SH3RF2: variants seen among roughly 807,000 people sequenced by gnomAD.
SH3RF2 encodes the protein SH3 domain containing ring finger 2.
Under a neutral mutation model 59.0 loss-of-function variants are expected in SH3RF2, and 43 were observed. The observed-to-expected ratio is 0.73, with a 90% CI of 0.57 to 0.94. The LOEUF (loss-of-function observed/expected upper bound fraction) is 0.94, where lower values mean the gene tolerates loss of function less well. SH3RF2 is among the 40% of genes least tolerant of loss of function. The probability of loss-of-function intolerance (pLI) is 0.00; values close to 1 mark genes in which losing one functional copy is unlikely to be tolerated. For synonymous variants in SH3RF2, 391 were observed against 391.5 expected (o/e 1.00, Z 0.01); for missense variants, 930 against 940.1 (o/e 0.99, Z 0.14).
Position 146,013,916 on chromosome 5 carries a change from T to C in SH3RF2, c.914T>C (p.Leu305Ser), listed in dbSNP as rs764924039. ...VPGQFSITTA[L>S]NTLNRMVHSP... ...GGGCAGTTTTCCATCACAACAGCCT[T>C]GAACACTCTCAACCGGATGGTCCAT... Residue 305 changes from leucine (L) to serine (S), a missense_variant, in exon 5 of 10, where the codon TTG becomes TCG. Transcript: ENST00000359120. 2 of 1,614,082 alleles carry C rather than the reference T, an allele frequency of 1.2e-6. No individual in the cohort carries two copies. Among genetic ancestry groups the C allele is most frequent in the Non-Finnish European group, 8.5e-7 (1 of 1,180,006 alleles).
chr5:146,014,975 G>T (rs565664534), intron 5 of SH3RF2, among the ~76,000 whole-genome samples: 1 of 152,254 alleles, frequency 6.6e-6, no homozygotes, highest in Non-Finnish European at 1.5e-5. Flanking sequence ...TGCATGTTGG[G>T]TATTCAGCTG....
chr5:146,011,392 A>G (rs1388781918), intron 4 of SH3RF2, among the ~76,000 whole-genome samples: 6 of 152,160 alleles, frequency 3.9e-5, no homozygotes. Flanking sequence ...TGAACTTTAC[A>G]GTAGTTTTTA....
At position 146,014,049 on chromosome 5, in the gene SH3RF2, C is replaced by G; in HGVS notation, c.1047C>G (p.Ser349Arg). Reference sequence around the variant, plus strand: ...TGGAGAAAGCAGACGTTCCTTCCAGCTGTGTGGGACAGGTAGGGAAGAAAC... The same window carrying G: ...TGGAGAAAGCAGACGTTCCTTCCAGGTGTGTGGGACAGGTAGGGAAGAAAC... ...QPMEKADVPS[S>R]CVGQVSTYHP... Residue 349 changes from serine (S) to arginine (R), a missense_variant, in exon 5 of 10, where the codon AGC (serine) becomes AGG (arginine). Ser to Arg is a moderately radical substitution (Grantham distance 110). Transcript: ENST00000359120. 4 of 1,613,840 alleles carry G rather than the reference C, an allele frequency of 2.5e-6. No individual in the cohort carries two copies. Among genetic ancestry groups the G allele is most frequent in the Non-Finnish European group, 3.4e-6 (4 of 1,179,930 alleles).
chr5:146,043,772 G>T (rs1459822281), intron 5 of SH3RF2: 2 of 152,202 alleles, frequency 1.3e-5, no homozygotes, highest in African/African-American at 4.8e-5. Flanking sequence ...TTAGGGTGAT[G>T]TTAAGATTCA....
chr5:145,968,104 A>C (rs1424621415), intron 2 of SH3RF2, among the ~76,000 whole-genome samples: 1 of 152,246 alleles, frequency 6.6e-6, no homozygotes, highest in East Asian at 1.9e-4. Context: ...TGTAGCCTTC[A>C]TCAGATTCTC....
intron 5 of SH3RF2, among the ~76,000 whole-genome samples, chr5:146,017,743 G>A (rs964368241): frequency 6.6e-6 from 1 of 151,898 alleles, no homozygotes; most frequent in African/African-American, 2.4e-5. Flanking sequence ...CTTAGTTTGG[G>A]TCCTCATCTC....
At chr5:146,028,593 C>T (rs1761626172) in intron 5 of SH3RF2, among the ~76,000 whole-genome samples, 1 of 136,254 alleles carries the variant, frequency 7.3e-6, no homozygotes, top group South Asian at 2.2e-4. Context: ...ATGCCTGTAG[C>T]ACCCACCACC....
intron 2 of SH3RF2, among the ~76,000 whole-genome samples, chr5:145,973,543 C>G (rs1440977755): frequency 6.6e-6 from 1 of 152,160 alleles, no homozygotes; most frequent in Non-Finnish European, 1.5e-5. Flanking sequence ...GATGAGAAGT[C>G]ATTGAATTCT....
At chr5:145,987,165 A>G (rs1441674453) in intron 2 of SH3RF2, among the ~76,000 whole-genome samples, 1 of 152,208 alleles carries the variant, frequency 6.6e-6, no homozygotes, top group Non-Finnish European at 1.5e-5. Context: ...TAGTCCAGGA[A>G]TGAGAAAACA....
At chr5:145,958,650 C>A (rs767722011) in intron 2 of SH3RF2, among the ~76,000 whole-genome samples, 2 of 152,178 alleles carry the variant, frequency 1.3e-5, no homozygotes, top group Non-Finnish European at 2.9e-5. Context: ...GTAGGCCTAA[C>A]GAGAAAAATG....
rs770284250 is a variant in SH3RF2, at chr5:146,049,208, G to A, written c.1285G>A (p.Gly429Ser). 15 of 1,613,494 alleles carry A rather than the reference G, an allele frequency of 9.3e-6. No individual in the cohort carries two copies. The highest frequency in any genetic ancestry group is 1.3e-5 in the Non-Finnish European group (15 of 1,179,736). Residue 429 changes from glycine to serine, a missense_variant, in exon 7 of 10, where the codon GGC becomes AGC. Transcript: ENST00000359120. ...CGTCTCCTTGGTCACCGGGCGAGTC[G>A]GCATCTTCCCAAACAATTACGTCAT... ...RGVSLVTGRV[G>S]IFPNNYVIPI...
chr5:145,982,715 A>G (rs1013531285), intron 2 of SH3RF2, among the ~76,000 whole-genome samples: 9 of 152,204 alleles, frequency 5.9e-5, no homozygotes, highest in African/African-American at 1.4e-4. Flanking sequence ...AAGGAGGCAG[A>G]TAAATAAGCA....
At chr5:146,032,687 A>T (rs1580890830) in intron 5 of SH3RF2, among the ~76,000 whole-genome samples, 1 of 152,194 alleles carries the variant, frequency 6.6e-6, no homozygotes, top group East Asian at 1.9e-4. Flanking sequence ...CCAGCCTGAC[A>T]TCCTACTGCC....
chr5:146,069,019 C>A (rs1421063275), intron 9 of SH3RF2, among the ~76,000 whole-genome samples: 1 of 152,176 alleles, frequency 6.6e-6, no homozygotes, highest in African/African-American at 2.4e-5. Flanking sequence ...CAACCACTAT[C>A]CTGCATCCCA....
At chr5:145,963,987 C>T (rs1322045052) in intron 2 of SH3RF2, among the ~76,000 whole-genome samples, 6 of 151,986 alleles carry the variant, frequency 3.9e-5, no homozygotes, top group Non-Finnish European at 7.4e-5. Flanking sequence ...CGCCCGCCAC[C>T]GCGCCCGGCT....
intron 7 of SH3RF2, among the ~76,000 whole-genome samples, chr5:146,053,642 G>T (rs149789269): frequency 8.9e-4 from 135 of 152,262 alleles, no homozygotes; most frequent in African/African-American, 3.1e-3. Flanking sequence ...CTGCTGCTGA[G>T]CTCCCTGTAG....
Position 146,050,091 on chromosome 5 carries a change from G to T in SH3RF2, c.1322+846G>T, listed in dbSNP as rs117636139. Reference sequence around the variant, plus strand: ...GCCCACTTTTGGGGACCTTCATTTAGGTGAGCTGCCACGTCCGGAGGAGGG... The same window carrying T: ...GCCCACTTTTGGGGACCTTCATTTATGTGAGCTGCCACGTCCGGAGGAGGG... On this transcript the variant is annotated intron_variant, in intron 7 of 9. Coordinates refer to ENST00000359120, the MANE Select transcript of SH3RF2 (RefSeq NM_152550.4). 3.3e-5 allele frequency: 5 copies of T among 152,362 alleles called. No homozygotes were observed. The East Asian group carries it at 9.6e-4, about 29-fold the overall frequency. The allele number at this position is 152,362 out of a possible 1,614,324, so 9.4% of individuals were successfully genotyped here.
intron 3 of SH3RF2, 112 bp from the exon 4 acceptor site, chr5:146,003,946 A>G: frequency 1.4e-6 from 1 of 738,004 alleles, no homozygotes; most frequent in Non-Finnish European, 2.1e-6. Flanking sequence ...AATCAAGCAC[A>G]AGCTACATTC....
chr5:145,947,272 C>A (rs1279249663), intron 2 of SH3RF2, among the ~76,000 whole-genome samples: 1 of 151,860 alleles, frequency 6.6e-6, no homozygotes, highest in Non-Finnish European at 1.5e-5. Context: ...CTGCTTCTGA[C>A]CTTAGACATC....
Sources: gnomAD v4.1 joint callset for allele counts (sites outside exome capture counted in the v4.1 genomes callset) on GRCh38, gnomAD v4.1.1 for gene constraint, MANE v1.5 for transcripts, NCBI Gene and HGNC (gene_info 2026-07-23, HGNC 2026-07-21) for gene names.